The following KIF16B variants were observed in gnomAD, a reference collection of about 807,000 sequenced individuals.
The protein encoded by KIF16B is kinesin-like protein KIF16B.
A neutral mutation model predicts 156.3 loss-of-function variants in KIF16B; 98 were observed. That is an observed-to-expected ratio of 0.63 (90% CI 0.53 to 0.74). The LOEUF is 0.74. KIF16B is among the 30% of genes least tolerant of loss of function. The pLI is 0.00. For missense variants in KIF16B, 1,421 were observed against 1,606.5 expected, an observed-to-expected ratio of 0.88 and a Z score of 1.97; for synonymous variants, 564 against 583.7, an observed-to-expected ratio of 0.97 and a Z score of 0.49.
rs143146563 is a variant in KIF16B at position 16,569,013 on chromosome 20, A to T, written c.47+4216T>A. Among the ~76,000 whole-genome samples the T allele has an allele frequency of 4.2e-4, 64 of 152,166 alleles. No individual in the cohort carries two copies. In the East Asian group the frequency reaches 0.01, roughly 24 times the overall value. ...AGGGCCTTTGGGAGGTGATTAGGTC[A>T]TGAGGTCCTTGTGAATGGGATTAGT... On this transcript the variant is annotated intron_variant, in intron 1 of 25. Transcript: ENST00000354981.
chr20:16,511,228 G>A (rs995060194), intron 6 of KIF16B, among the ~76,000 whole-genome samples, 190 bp downstream of exon 6: 10 of 152,112 alleles, frequency 6.6e-5, no homozygotes, highest in African/African-American at 1.9e-4. Context: ...TAAAATCAAC[G>A]GATGGCCAGT....
intron 20 of KIF16B, among the ~76,000 whole-genome samples, chr20:16,372,508 C>T (rs115441818): frequency 6.6e-6 from 1 of 152,280 alleles, no homozygotes; most frequent in African/African-American, 2.4e-5. Context: ...CAGCCTTGAC[C>T]ACCTCAGTGG....
chr20:16,470,043 G>A (rs1334439773), intron 12 of KIF16B, among the ~76,000 whole-genome samples: 1 of 152,002 alleles, frequency 6.6e-6, no homozygotes, highest in Non-Finnish European at 1.5e-5. Flanking sequence ...AAGATATGGA[G>A]GAATATTTAA....
intron 24 of KIF16B, among the ~76,000 whole-genome samples, chr20:16,318,849 C>T (rs1341818734): frequency 1.3e-5 from 2 of 152,128 alleles, no homozygotes; most frequent in African/African-American, 4.8e-5. Flanking sequence ...TTTCCCCACT[C>T]CTGAAATGTG....
rs867842844 is a variant in KIF16B at position 16,555,349 on chromosome 20, A to G, written c.47+17880T>C. Among the ~76,000 whole-genome samples, 1,168 of 152,296 alleles carry G rather than the reference A, an allele frequency of 7.7e-3. 15 individuals are homozygous for G. Among genetic ancestry groups the G allele is most frequent in the African/African-American group, 0.026 (1,101 of 41,552 alleles). The stretch of plus-strand genomic sequence containing the variant: ...AAGACAGAGTGCCACGTATAAAACA[A>G]TGCAGGTGGTTAGTGGCAATGGCAA... On this transcript the variant is annotated intron_variant, in intron 1 of 25. Transcript: ENST00000354981.
intron 22 of KIF16B, among the ~76,000 whole-genome samples, chr20:16,359,948 A>T (rs1410509996): frequency 6.6e-6 from 1 of 152,234 alleles, no homozygotes; most frequent in Non-Finnish European, 1.5e-5. Context: ...ATACTGCCAG[A>T]GTCCCCACTA....
intron 23 of KIF16B, among the ~76,000 whole-genome samples, chr20:16,336,397 T>C (rs2064037735): frequency 6.6e-6 from 1 of 152,200 alleles, no homozygotes; most frequent in Non-Finnish European, 1.5e-5. Flanking sequence ...TTTTGCTTTT[T>C]TTCAGAGGGA....
intron 1 of KIF16B, among the ~76,000 whole-genome samples, chr20:16,531,398 A>T (rs1415826083): frequency 6.6e-6 from 1 of 152,244 alleles, no homozygotes; most frequent in African/African-American, 2.4e-5. Context: ...TAATAACAAA[A>T]TATCATTTCG....
Position 16,378,845 on chromosome 20 carries a change from G to A in KIF16B, c.3157C>T (p.Leu1053=), listed in dbSNP as rs1419076019. The A allele has an allele frequency of 1.9e-6, 3 of 1,613,660 alleles. No individual in the cohort carries two copies. Among genetic ancestry groups the A allele is most frequent in the Admixed American group, 1.7e-5 (1 of 59,974 alleles). ...TCCAGGGCTTCCTGCTCAGCCTCCA[G>A]GCTAGCCTGGAGCCCTGACTGCTCT... ...SREQSGLQAS[L]EAEQEALEKD... is the part of the protein sequence containing the mutation. The change falls in exon 19 of 26, where the codon CTG becomes TTG. Residue 1053 remains leucine, a synonymous_variant. Coordinates refer to ENST00000354981, the MANE Select transcript of KIF16B (RefSeq NM_024704.5).
rs192527490 is a variant in KIF16B, at chr20:16,528,871, G to A, written c.48-431C>T. 4.6e-5 allele frequency among the ~76,000 whole-genome samples: 7 copies of A among 152,260 alleles called. No individual in the cohort carries two copies. In the East Asian group the frequency reaches 1.4e-3, roughly 29 times the overall value. On this transcript the variant is annotated intron_variant, in intron 1 of 25. Coordinates refer to ENST00000354981, the MANE Select transcript of KIF16B (RefSeq NM_024704.5). ...AGGTGCTGCTTCCAGAAGCAGCCAG[G>A]GCACTGTTCCCTCCTCCTACCTTCT...
At chr20:16,407,446 T>C (rs2065814581) in intron 15 of KIF16B, among the ~76,000 whole-genome samples, 1 of 152,116 alleles carries the variant, frequency 6.6e-6, no homozygotes, top group Non-Finnish European at 1.5e-5. Flanking sequence ...CTTAAGTGTC[T>C]AGCACACTTA....
intron 25 of KIF16B, among the ~76,000 whole-genome samples, chr20:16,283,265 G>A (rs1305864248): frequency 2.0e-5 from 3 of 152,200 alleles, no homozygotes; most frequent in South Asian, 2.1e-4. Flanking sequence ...GGTGGAAGGC[G>A]CATTTTGCAC....
At chr20:16,425,985 G>C (rs1388791565) in intron 15 of KIF16B, among the ~76,000 whole-genome samples, 1 of 152,068 alleles carries the variant, frequency 6.6e-6, no homozygotes, top group Non-Finnish European at 1.5e-5. Context: ...ACAGGAGAGG[G>C]GGCAGGAGGG....
At chr20:16,309,433 G>C (rs34372607) in intron 25 of KIF16B, among the ~76,000 whole-genome samples, 5,334 of 152,098 alleles carry the variant, frequency 0.035, 108 homozygotes, top group African/African-American at 0.045. Context: ...CTTGCTCCAA[G>C]GTAAAAAAAT....
Position 16,502,615 on chromosome 20 carries a change from G to A in KIF16B, c.1176+1757C>T, listed in dbSNP as rs565406833. On this transcript the variant is annotated intron_variant, in intron 10 of 25. Transcript: ENST00000354981. ...AAGTCATAAAAGGAAAAGGAAAAAAGACTACAAAATATAAGGCAACTATAT... is the reference window on the plus strand; with the variant it reads ...AAGTCATAAAAGGAAAAGGAAAAAAAACTACAAAATATAAGGCAACTATAT... 2.6e-5 allele frequency among the ~76,000 whole-genome samples: 4 copies of A among 152,104 alleles called. No homozygotes were observed. In the East Asian group the frequency reaches 7.7e-4, roughly 29 times the overall value.
intron 25 of KIF16B, among the ~76,000 whole-genome samples, chr20:16,288,835 C>T (rs1025567017): frequency 6.6e-6 from 1 of 152,054 alleles, no homozygotes; most frequent in Admixed American, 6.5e-5. Context: ...ATTGGGATCC[C>T]ATCATAAGTG....
Position 16,370,566 on chromosome 20 carries a change from TC to T in KIF16B, c.3498+19del. On this transcript the variant is annotated intron_variant, in intron 22 of 25. Transcript: ENST00000354981. ...CCATAATTTAAGGCGACCCTATCAA[TC>T]TGAAAAATCATTACCTACCTCATAT... The T allele has an allele frequency of 6.4e-7, 1 of 1,557,456 alleles. No individual in the cohort carries two copies. The highest frequency in any genetic ancestry group is 8.6e-7 in the Non-Finnish European group (1 of 1,157,738).
At chr20:16,442,817 A>G (rs2066838964) in intron 12 of KIF16B, among the ~76,000 whole-genome samples, 1 of 152,118 alleles carries the variant, frequency 6.6e-6, no homozygotes, top group Admixed American at 6.6e-5. Flanking sequence ...TCAGAAGGGA[A>G]TTTAGGAAAA....
intron 1 of KIF16B, among the ~76,000 whole-genome samples, chr20:16,536,689 G>A (rs62196260): frequency 0.039 from 5,866 of 152,194 alleles, 173 homozygotes; most frequent in Middle Eastern, 0.078. Flanking sequence ...CTAATTCTTT[G>A]TTACATGTCT....
Sources: gnomAD v4.1 joint callset for allele counts (sites outside exome capture counted in the v4.1 genomes callset) on GRCh38, gnomAD v4.1.1 for gene constraint, MANE v1.5 for transcripts, NCBI Gene and HGNC (gene_info 2026-07-23, HGNC 2026-07-21) for gene names.